KCNC3: variants seen among roughly 807,000 people sequenced by gnomAD.
KCNC3 encodes the protein voltage-gated potassium channel KCNC3.
In KCNC3, 22 loss-of-function variants were observed where a neutral mutation model predicts 43.9. The ratio of observed to expected loss-of-function variants is 0.50; its 90% CI spans 0.36 to 0.72. The LOEUF is 0.72. Ranked by LOEUF, KCNC3 falls within the 30% of genes least tolerant of loss-of-function variation. The pLI, the probability that KCNC3 is intolerant of heterozygous loss-of-function variation, is 0.00. For missense variants in KCNC3, 829 were observed against 1,073.8 expected (o/e 0.77, Z 3.19); for synonymous variants, 492 against 488.0 (o/e 1.01, Z -0.11).
upstream of KCNC3, chr19:50,329,600 C>G (rs1418874223): frequency 6.6e-6 from 1 of 152,270 alleles, no homozygotes; most frequent in Non-Finnish European, 1.5e-5. Flanking sequence ...CAAAACAGAT[C>G]GCACGCCCTC....
chr19:50,319,792 C>T (rs1230531299), intron 4 of KCNC3, among the ~76,000 whole-genome samples: 1 of 152,048 alleles, frequency 6.6e-6, no homozygotes, highest in Non-Finnish European at 1.5e-5. Flanking sequence ...ACCTGGGATG[C>T]GTGGGTGCTG....
chr19:50,327,007 A>G (rs1320635741), intron 1 of KCNC3, among the ~76,000 whole-genome samples: 3 of 151,828 alleles, frequency 2.0e-5, no homozygotes, highest in Non-Finnish European at 4.4e-5. Context: ...TTTTGAGATG[A>G]AAGTTTTAGG....
chr19:50,315,847 T>G lies in KCNC3; in HGVS notation c.*268A>C. On this transcript the variant is annotated 3_prime_UTR_variant, in exon 5 of 5. Transcript: ENST00000477616. ...AAGATCCAGCAACAGTGTGTGTGGT[T>G]TCTGCAAAGCCTGGGGCTGCCTGCA... 3 of 282,694 alleles carry G rather than the reference T, an allele frequency of 1.1e-5. No homozygotes were observed. Among genetic ancestry groups the G allele is most frequent in the Non-Finnish European group, 1.4e-5 (2 of 142,800 alleles). 17.5% of individuals were successfully genotyped at this position (282,694 alleles called of 1,614,324 possible).
At position 50,312,818 on chromosome 19, in the gene KCNC3, ATAATC is replaced by A. The variant is rs2036897386; in HGVS notation, c.*3292_*3296del. On this transcript the variant is annotated 3_prime_UTR_variant, in exon 5 of 5. Transcript: ENST00000477616. ...TAAAGAAGTTGAACCCTTTGGCAATATAATCAGTCCCCACCCCGTACCCTGGTGTC... is the reference window on the plus strand; with the variant it reads ...TAAAGAAGTTGAACCCTTTGGCAATAAGTCCCCACCCCGTACCCTGGTGTC... 6.6e-6 allele frequency: 1 copy of A among 151,986 alleles called. No homozygotes were observed. Among genetic ancestry groups the A allele is most frequent in the African/African-American group, 2.4e-5 (1 of 41,438 alleles). 9.4% of individuals were successfully genotyped at this position (151,986 alleles called of 1,614,324 possible).
intron 1 of KCNC3, among the ~76,000 whole-genome samples, chr19:50,326,679 C>T (rs556672054): frequency 1.3e-5 from 2 of 152,286 alleles, no homozygotes; most frequent in African/African-American, 4.8e-5. Flanking sequence ...CCTTTTCCAC[C>T]ACATTCTCCC....
rs925262956 is a variant in KCNC3, at chr19:50,315,697, T to A, written c.*418A>T. 1 of 8,976 alleles carries A rather than the reference T, an allele frequency of 1.1e-4. No homozygotes were observed. The highest frequency in any genetic ancestry group is 1.3e-3 in the Admixed American group (1 of 760). 0.6% of individuals were successfully genotyped at this position (8,976 alleles called of 1,614,324 possible). Reference sequence around the variant, plus strand: ...CCTCCAGAAGATTCTAAGGACGGGGTCGGGGGTGGGGGGCGGTGAGGCGGA... The same window carrying A: ...CCTCCAGAAGATTCTAAGGACGGGGACGGGGGTGGGGGGCGGTGAGGCGGA... On this transcript the variant is annotated 3_prime_UTR_variant, in exon 5 of 5. Transcript: ENST00000477616.
upstream of KCNC3, among the ~76,000 whole-genome samples, chr19:50,330,312 G>T (rs2037172571): frequency 6.6e-6 from 1 of 152,122 alleles, no homozygotes; most frequent in South Asian, 2.1e-4. Context: ...TGAATGGGCG[G>T]TAGGAAAGAG....
At position 50,324,697 on chromosome 19, in the gene KCNC3, G is replaced by C. The variant is rs1422539115; in HGVS notation, c.871-615C>G. ...TTGTTGTGAGGATTAAATTAGATGA[G>C]CGTACGAAGGACTTGGCTCCAAACA... On this transcript the variant is annotated intron_variant, in intron 1 of 4. Transcript: ENST00000477616. The surrounding 1 kb of genome is among the most constrained non-coding windows in gnomAD (Gnocchi z 4.1). Among the ~76,000 whole-genome samples the C allele has an allele frequency of 3.9e-5, 6 of 152,130 alleles. No homozygotes were observed. Among genetic ancestry groups the C allele is most frequent in the African/African-American group, 1.4e-4 (6 of 41,420 alleles).
Position 50,328,249 on chromosome 19 carries a change from C to T in KCNC3, c.834G>A (p.Ala278=), listed in dbSNP as rs1390734311. The T allele has an allele frequency of 1.7e-6, 2 of 1,199,914 alleles. No individual in the cohort carries two copies. The allele number at this position is 1,199,914 out of a possible 1,614,324, so 74.3% of individuals were successfully genotyped here. Residue 278 remains alanine, a synonymous_variant, in exon 1 of 5, where the codon GCG becomes GCA. Transcript: ENST00000477616. ...GCGACGAGTAGGGGTCCTCGAAGAG[C>T]GCCCACACGCGGGGCTGCCAGCGGC... The part of the protein sequence containing the change: ...WWRRWQPRVW[A]LFEDPYSSRA...
In KCNC3 at chr19:50,329,180, G is replaced by T; in HGVS notation, c.-98C>A. 3.2e-6 allele frequency: 1 copy of T among 317,438 alleles called. No individual in the cohort carries two copies. Among genetic ancestry groups the T allele is most frequent in the South Asian group, 1.1e-4 (1 of 9,058 alleles). The allele number at this position is 317,438 out of a possible 1,614,324, so 19.7% of individuals were successfully genotyped here. ...GTGGGAGGAGGAGCGAGGTAGCGGG[G>T]GCGTGGCTTAGGGGAGAGGAACCAA... On this transcript the variant is annotated 5_prime_UTR_variant, in exon 1 of 5. Coordinates refer to ENST00000477616, the MANE Select transcript of KCNC3 (RefSeq NM_004977.3).
chr19:50,315,228 G>A lies in KCNC3; in HGVS notation c.*887C>T, dbSNP rs2054642247. Among the ~76,000 whole-genome samples, 1 of 151,864 alleles carries A rather than the reference G, an allele frequency of 6.6e-6. No individual in the cohort carries two copies. The highest frequency in any genetic ancestry group is 1.5e-5 in the Non-Finnish European group (1 of 67,966). ...GACAGAGATGGACCAAGGAGATGGA[G>A]AGAGAAAGTGAACAAATCGGGGAGT... On this transcript the variant is annotated 3_prime_UTR_variant, in exon 5 of 5. Transcript: ENST00000477616.
Position 50,320,276 on chromosome 19 carries a change from G to A in KCNC3, c.2244C>T (p.Asn748=), listed in dbSNP as rs1027819501. 27 of 1,075,772 alleles carry A rather than the reference G, an allele frequency of 2.5e-5. No homozygotes were observed. The highest frequency in any genetic ancestry group is 2.3e-5 in the South Asian group (1 of 42,608). The allele number at this position is 1,075,772 out of a possible 1,614,324, so 66.6% of individuals were successfully genotyped here. A position where few individuals can be genotyped will look rare whatever the true frequency, so the allele number is the denominator to read the frequency against. Residue 748 remains asparagine, a synonymous_variant, in exon 4 of 5, where the codon AAC becomes AAT. Coordinates refer to ENST00000477616, the MANE Select transcript of KCNC3 (RefSeq NM_004977.3). ...GGGATATCCAGGCCGCGGCGTTGGC[G>A]TTGAGGTCGGGCAAGAAGCTTGGGG... The part of the protein sequence containing the change: ...PGPPSFLPDL[N]ANAAAWISP
rs2036908882 is a variant in KCNC3, at chr19:50,313,693, G to A, written c.*2422C>T. ...TGGACAAGTCTGTTAGGGCTTTGGG[G>A]ATATGGGTGCGGAACAGGCCTGAGG... On this transcript the variant is annotated 3_prime_UTR_variant, in exon 5 of 5. Transcript: ENST00000477616. 6.6e-6 allele frequency: 1 copy of A among 152,242 alleles called. No homozygotes were observed. Among genetic ancestry groups the A allele is most frequent in the South Asian group, 2.1e-4 (1 of 4,828 alleles). 9.4% of individuals were successfully genotyped at this position (152,242 alleles called of 1,614,324 possible).
intron 2 of KCNC3, 65 bp from the exon 3 acceptor site, chr19:50,320,849 G>A: frequency 6.7e-7 from 1 of 1,501,224 alleles, no homozygotes; most frequent in Non-Finnish European, 9.2e-7. Context: ...ACACGCGGTG[G>A]GGCAAGATGT....
At chr19:50,319,612 G>A (rs907638265) in intron 4 of KCNC3, among the ~76,000 whole-genome samples, 2 of 152,074 alleles carry the variant, frequency 1.3e-5, no homozygotes, top group African/African-American at 4.8e-5. Flanking sequence ...CCTGATGCCC[G>A]GCCCCATCCC....
In KCNC3 at chr19:50,312,195, G is replaced by T. The variant is rs2036885571; in HGVS notation, c.*3920C>A. Reference sequence around the variant, plus strand: ...TTTGCAGACCTCCCCTCCCCACACTGTCTCCGAACCCCGCCCCCATCCCTG... The same window carrying T: ...TTTGCAGACCTCCCCTCCCCACACTTTCTCCGAACCCCGCCCCCATCCCTG... On this transcript the variant is annotated 3_prime_UTR_variant, in exon 5 of 5. Coordinates refer to ENST00000477616, the MANE Select transcript of KCNC3 (RefSeq NM_004977.3). 1 of 151,632 alleles carries T rather than the reference G, an allele frequency of 6.6e-6. No individual in the cohort carries two copies. The highest frequency in any genetic ancestry group is 1.5e-5 in the Non-Finnish European group (1 of 67,944). 9.4% of individuals were successfully genotyped at this position (151,632 alleles called of 1,614,324 possible). A position where few individuals can be genotyped will look rare whatever the true frequency, so the allele number is the denominator to read the frequency against.
rs111440070 is a variant in KCNC3 at position 50,315,795 on chromosome 19, A to T, written c.*320T>A. 0.016 allele frequency: 3,211 copies of T among 199,838 alleles called. 106 individuals are homozygous for T. The highest frequency in any genetic ancestry group is 0.069 in the African/African-American group (2,964 of 42,754). The allele number at this position is 199,838 out of a possible 1,614,324, so 12.4% of individuals were successfully genotyped here. A position where few individuals can be genotyped will look rare whatever the true frequency, so the allele number is the denominator to read the frequency against. On this transcript the variant is annotated 3_prime_UTR_variant, in exon 5 of 5. Transcript: ENST00000477616. ...TTCTGACGGGTGCGGGAAGGCTCTC[A>T]CAGGCATCTCACAGCTAATGGGACT...
In KCNC3 at chr19:50,324,106, AG is replaced by A. The variant is rs2037073293; in HGVS notation, c.871-25del. On this transcript the variant is annotated intron_variant, in intron 1 of 4. Coordinates refer to ENST00000477616, the MANE Select transcript of KCNC3 (RefSeq NM_004977.3). The surrounding 1 kb of genome is among the most constrained non-coding windows in gnomAD (Gnocchi z 4.1). ...TACTGCAGGGCAGGGAGGGAGAGAGAGGGGGAGAGGTGACCTAGGCATCAGG... is the reference window on the plus strand; with the variant it reads ...TACTGCAGGGCAGGGAGGGAGAGAGAGGGGAGAGGTGACCTAGGCATCAGG... 3.8e-6 allele frequency: 6 copies of A among 1,562,102 alleles called. No individual in the cohort carries two copies. The highest frequency in any genetic ancestry group is 2.3e-5 in the East Asian group (1 of 44,374).
rs368049323 is a variant in KCNC3 at position 50,328,768 on chromosome 19, C to G, written c.315G>C (p.Thr105=). Residue 105 remains threonine, a synonymous_variant, in exon 1 of 5, where the codon ACG becomes ACC. Coordinates refer to ENST00000477616, the MANE Select transcript of KCNC3 (RefSeq NM_004977.3). Reference sequence around the variant, plus strand: ...GCCGCGTCCCCGGCAGGGTGCGCAGCGTCGAGCGGTACGTCTCATGGCGCA... The same window carrying G: ...GCCGCGTCCCCGGCAGGGTGCGCAGGGTCGAGCGGTACGTCTCATGGCGCA... The part of the protein sequence containing the change: ...GGVRHETYRS[T]LRTLPGTRLA... 2,080 of 1,584,580 alleles carry G rather than the reference C, an allele frequency of 1.3e-3. No individual in the cohort carries two copies. Among genetic ancestry groups the G allele is most frequent in the Non-Finnish European group, 1.6e-3 (1,885 of 1,166,636 alleles).
Sources: gnomAD v4.1 joint callset for allele counts (sites outside exome capture counted in the v4.1 genomes callset) on GRCh38, gnomAD v4.1.1 for gene constraint, Gnocchi (gnomAD v3.1) non-coding constraint, MANE v1.5 for transcripts, NCBI Gene and HGNC (gene_info 2026-07-23, HGNC 2026-07-21) for gene names.